The following SRBD1 variants were observed in gnomAD, a reference collection of about 807,000 sequenced individuals.
The protein encoded by SRBD1 is S1 RNA-binding domain-containing protein 1.
In SRBD1, 88 loss-of-function variants were observed where a neutral mutation model predicts 115.3. The ratio of observed to expected loss-of-function variants is 0.76; its 90% CI spans 0.64 to 0.91. The LOEUF (loss-of-function observed/expected upper bound fraction) is 0.91. Among genes scored for constraint, SRBD1 ranks in the 40% least tolerant of loss-of-function variants. The pLI is 0.00. For missense variants in SRBD1, 1,385 were observed against 1,177.4 expected, an observed-to-expected ratio of 1.18 and a Z score of -2.58; for synonymous variants, 509 against 407.7, an observed-to-expected ratio of 1.25 and a Z score of -2.99.
At chr2:45,497,892 G>T (rs541522369) in intron 14 of SRBD1, among the ~76,000 whole-genome samples, 1 of 152,000 alleles carries the variant, frequency 6.6e-6, no homozygotes, top group Non-Finnish European at 1.5e-5. Flanking sequence ...AAATCAGCCC[G>T]GCATGGTGAC....
intron 16 of SRBD1, among the ~76,000 whole-genome samples, chr2:45,468,035 G>T (rs1201801054): frequency 6.6e-6 from 1 of 152,062 alleles, no homozygotes; most frequent in Non-Finnish European, 1.5e-5. Context: ...AACTCCTGGT[G>T]TACCTCTCCC....
intron 8 of SRBD1, 37 bp from the exon 9 acceptor site, chr2:45,573,379 T>G (rs768998039): frequency 1.3e-6 from 2 of 1,580,254 alleles, no homozygotes; most frequent in Non-Finnish European, 1.7e-6. Context: ...AACAAGCAGT[T>G]ATTAATTTGT....
intron 1 of SRBD1, among the ~76,000 whole-genome samples, chr2:45,607,593 AT>A (rs1303551117): frequency 6.6e-6 from 1 of 152,196 alleles, no homozygotes; most frequent in Admixed American, 6.5e-5. Context: ...GTGGGAGCAT[AT>A]GAGAACCAAA....
chr2:45,434,771 C>CT (rs200003604), intron 16 of SRBD1, among the ~76,000 whole-genome samples: 9,166 of 145,520 alleles, frequency 0.063, 406 homozygotes, highest in East Asian at 0.15. Flanking sequence ...CATTTTTTTT[C>CT]TTTTTTTTTT....
At chr2:45,516,108 C>T (rs532806764) in intron 14 of SRBD1, among the ~76,000 whole-genome samples, 2 of 152,208 alleles carry the variant, frequency 1.3e-5, no homozygotes, top group Non-Finnish European at 1.5e-5. Flanking sequence ...TTTCAAAGTG[C>T]CAGGAACTGT....
At chr2:45,498,146 C>T (rs1432630272) in intron 14 of SRBD1, among the ~76,000 whole-genome samples, 1 of 151,846 alleles carries the variant, frequency 6.6e-6, no homozygotes, top group Non-Finnish European at 1.5e-5. Flanking sequence ...ATTTATATTT[C>T]TTTAATCATT....
rs1484383429 is a variant in SRBD1, at chr2:45,420,979, GTTA to G, written c.2050-1088_2050-1086del. On this transcript the variant is annotated intron_variant, in intron 16 of 20. Transcript: ENST00000263736. ...TAGCACTATCTGAATCTTAACAGAG[GTTA>G]TTAACAGAAGACATTTTGGACAGTG... is the stretch of plus-strand genomic sequence containing the variant. Among the ~76,000 whole-genome samples the G allele has an allele frequency of 6.8e-4, 103 of 152,278 alleles. 1 individual carries two copies. Among genetic ancestry groups the G allele is most frequent in the East Asian group, 5.8e-4 (3 of 5,186 alleles).
chr2:45,588,358 C>T (rs1473064841), intron 4 of SRBD1, among the ~76,000 whole-genome samples: 1 of 152,214 alleles, frequency 6.6e-6, no homozygotes, highest in African/African-American at 2.4e-5. Flanking sequence ...AGGCCAGTTA[C>T]TTTGCTCTTA....
In SRBD1 at chr2:45,531,176, T is replaced by C. The variant is rs537513630; in HGVS notation, c.1874+15556A>G. On this transcript the variant is annotated intron_variant, in intron 14 of 20. Coordinates refer to ENST00000263736, the MANE Select transcript of SRBD1 (RefSeq NM_018079.5). ...TCACTACCAAACGCCTCTGTGTCAG[T>C]TGTTGTGTTGGTTTCTTATCCTTTA... Among the ~76,000 whole-genome samples, 19 of 151,926 alleles carry C rather than the reference T, an allele frequency of 1.3e-4. No homozygotes were observed. The East Asian group carries it at 3.7e-3, about 29-fold the overall frequency.
chr2:45,390,045 T>A (rs544106257), intron 20 of SRBD1, among the ~76,000 whole-genome samples: 149 of 152,288 alleles, frequency 9.8e-4, no homozygotes, highest in Non-Finnish European at 1.9e-3. Context: ...TGGTAGAAAG[T>A]ACATCAACTT....
intron 14 of SRBD1, among the ~76,000 whole-genome samples, chr2:45,543,647 G>A (rs967180617): frequency 8.2e-6 from 1 of 121,606 alleles, no homozygotes; most frequent in Non-Finnish European, 2.0e-5. Flanking sequence ...CAGGCACTTT[G>A]AATTGGCAAA....
intron 16 of SRBD1, among the ~76,000 whole-genome samples, chr2:45,451,524 G>A (rs1668994755): frequency 6.6e-6 from 1 of 151,958 alleles, no homozygotes; most frequent in Non-Finnish European, 1.5e-5. Context: ...TAGCATTCAT[G>A]AGATACACAT....
rs982590244 is a variant in SRBD1, at chr2:45,413,003, G to A, written c.2513+111C>T. The A allele has an allele frequency of 4.1e-6, 5 of 1,231,634 alleles. No individual in the cohort carries two copies. In the African/African-American group the frequency reaches 4.6e-5, roughly 11 times the overall value. 76.3% of individuals were successfully genotyped at this position (1,231,634 alleles called of 1,614,324 possible). On this transcript the variant is annotated intron_variant, in intron 19 of 20. Transcript: ENST00000263736. ...CAATGCAGAACTTCTGAAAAATGTT[G>A]TCACATTAAACGGTCATATTTTTCA...
At chr2:45,592,015 C>T (rs1055796051) in intron 4 of SRBD1, among the ~76,000 whole-genome samples, 4 of 152,082 alleles carry the variant, frequency 2.6e-5, no homozygotes, top group Non-Finnish European at 2.9e-5. Flanking sequence ...GTAATTGAAT[C>T]ATGGGGGCCA....
intron 14 of SRBD1, among the ~76,000 whole-genome samples, chr2:45,515,913 T>C (rs1165628049): frequency 6.6e-6 from 1 of 152,164 alleles, no homozygotes; most frequent in Non-Finnish European, 1.5e-5. Flanking sequence ...TGGTGGCTGA[T>C]TCACTCCATG....
At chr2:45,606,220 C>G (rs1185975301) in intron 1 of SRBD1, among the ~76,000 whole-genome samples, 1 of 145,692 alleles carries the variant, frequency 6.9e-6, no homozygotes, top group East Asian at 2.0e-4. Flanking sequence ...AGTGCAATGG[C>G]ACGATATTGG....
At chr2:45,572,978 T>C (rs1673067013) in intron 9 of SRBD1, among the ~76,000 whole-genome samples, 1 of 152,166 alleles carries the variant, frequency 6.6e-6, no homozygotes, top group African/African-American at 2.4e-5. Context: ...ACCTAAAATG[T>C]TATATTGTCA....
chr2:45,605,699 T>A (rs943472697), intron 1 of SRBD1, among the ~76,000 whole-genome samples: 28 of 151,830 alleles, frequency 1.8e-4, no homozygotes, highest in Admixed American at 5.9e-4. Flanking sequence ...AAGTCAGGAG[T>A]TCGAGACCAG....
chr2:45,463,180 T>C (rs1234747293), intron 16 of SRBD1, among the ~76,000 whole-genome samples: 1 of 152,094 alleles, frequency 6.6e-6, no homozygotes, highest in Non-Finnish European at 1.5e-5. Context: ...AGTGAACCCA[T>C]ACCATAATTC....
Sources: gnomAD v4.1 joint callset for allele counts (sites outside exome capture counted in the v4.1 genomes callset) on GRCh38, gnomAD v4.1.1 for gene constraint, MANE v1.5 for transcripts, NCBI Gene and HGNC (gene_info 2026-07-23, HGNC 2026-07-21) for gene names.